PLXDC2: variants seen among roughly 807,000 people sequenced by gnomAD.
The protein encoded by PLXDC2 is plexin domain containing 2, also known as plexin domain-containing protein 2.
Under a neutral mutation model 68.9 loss-of-function variants are expected in PLXDC2, and 40 were observed. The ratio of observed to expected loss-of-function variants is 0.58; its 90% CI spans 0.45 to 0.76. The LOEUF is 0.76. PLXDC2 is among the 30% of genes least tolerant of loss of function. PLXDC2 has a pLI of 0.00. For missense variants in PLXDC2, 644 were observed against 661.9 expected (o/e 0.97, Z 0.30); for synonymous variants, 243 against 234.2 (o/e 1.04, Z -0.34).
intron 1 of PLXDC2, among the ~76,000 whole-genome samples, chr10:19,856,810 C>T (rs534830321): frequency 6.6e-6 from 1 of 152,272 alleles, no homozygotes; most frequent in South Asian, 2.1e-4. Flanking sequence ...TCTTATTTCA[C>T]AAGCGTTCTT....
intron 4 of PLXDC2, among the ~76,000 whole-genome samples, chr10:20,108,403 G>A (rs1041391852): frequency 6.6e-6 from 1 of 152,132 alleles, no homozygotes; most frequent in Non-Finnish European, 1.5e-5. Context: ...AAGTATTACA[G>A]CATTAAAGGG....
intron 1 of PLXDC2, among the ~76,000 whole-genome samples, chr10:19,976,445 C>A (rs1459667073): frequency 6.6e-6 from 1 of 152,146 alleles, no homozygotes; most frequent in Non-Finnish European, 1.5e-5. Context: ...GAACTCCTGA[C>A]CGCGTGATCC....
intron 4 of PLXDC2, among the ~76,000 whole-genome samples, chr10:20,114,426 C>A (rs1833597073): frequency 6.6e-6 from 1 of 152,202 alleles, no homozygotes; most frequent in Non-Finnish European, 1.5e-5. Flanking sequence ...ATGTCAGACG[C>A]TGTGTTGAAA....
At chr10:20,242,404 A>C (rs557552929) in intron 12 of PLXDC2, among the ~76,000 whole-genome samples, 1 of 152,286 alleles carries the variant, frequency 6.6e-6, no homozygotes, top group South Asian at 2.1e-4. Flanking sequence ...TAAGAACTTT[A>C]TATGTATTAA....
chr10:20,104,594 T>G (rs1367342562), intron 4 of PLXDC2, among the ~76,000 whole-genome samples: 1 of 152,218 alleles, frequency 6.6e-6, no homozygotes, highest in Non-Finnish European at 1.5e-5. Flanking sequence ...AGGTATCCAT[T>G]GCTGTTAATG....
chr10:19,882,553 C>T (rs554417458), intron 1 of PLXDC2, among the ~76,000 whole-genome samples: 132 of 152,316 alleles, frequency 8.7e-4, no homozygotes, highest in African/African-American at 2.3e-3. Context: ...CTTTTTCAGC[C>T]TTGCTGCCCT....
intron 1 of PLXDC2, among the ~76,000 whole-genome samples, chr10:19,860,160 T>C (rs1446148321): frequency 1.3e-5 from 2 of 152,162 alleles, no homozygotes; most frequent in Non-Finnish European, 2.9e-5. Context: ...CTCTCTTTTT[T>C]CCCCAAGGGG....
intron 4 of PLXDC2, among the ~76,000 whole-genome samples, chr10:20,073,738 T>G (rs1398841600): frequency 1.3e-5 from 2 of 152,166 alleles, no homozygotes; most frequent in Non-Finnish European, 2.9e-5. Context: ...ATCAAAACAG[T>G]TTCATTAGTG....
chr10:20,016,131 C>G (rs775102583), intron 2 of PLXDC2, among the ~76,000 whole-genome samples: 2 of 152,098 alleles, frequency 1.3e-5, no homozygotes, highest in Non-Finnish European at 2.9e-5. Flanking sequence ...TTCAAAAGAC[C>G]AAGTCTGGGG....
At chr10:20,066,663 G>A (rs11011774) in intron 3 of PLXDC2, among the ~76,000 whole-genome samples, 7,087 of 152,228 alleles carry the variant, frequency 0.047, 191 homozygotes, top group Middle Eastern at 0.095. Flanking sequence ...AACCTTTTAT[G>A]AAGATGAGGC....
chr10:20,239,193 TG>T (rs1835481238), intron 12 of PLXDC2, among the ~76,000 whole-genome samples: 1 of 152,216 alleles, frequency 6.6e-6, no homozygotes, highest in African/African-American at 2.4e-5. Context: ...GTTTAGTTTT[TG>T]TTTGCTTTTG....
chr10:20,093,950 G>A (rs1833314789), intron 4 of PLXDC2, among the ~76,000 whole-genome samples: 1 of 152,188 alleles, frequency 6.6e-6, no homozygotes, highest in South Asian at 2.1e-4. Context: ...TAGGATTACA[G>A]GCATGAGCCA....
intron 1 of PLXDC2, among the ~76,000 whole-genome samples, chr10:19,916,154 A>C (rs1366495422): frequency 7.5e-6 from 1 of 133,506 alleles, no homozygotes; most frequent in Non-Finnish European, 1.6e-5. Context: ...TTTTTAATGG[A>C]GTCTCACTCT....
At chr10:20,116,262 T>C (rs562521614) in intron 4 of PLXDC2, among the ~76,000 whole-genome samples, 31 of 152,080 alleles carry the variant, frequency 2.0e-4, no homozygotes, top group South Asian at 8.3e-4. Context: ...AGATTCTTTT[T>C]CCCCCCCGGA....
At chr10:20,230,003 C>G (rs1261891860) in intron 12 of PLXDC2, among the ~76,000 whole-genome samples, 1 of 151,930 alleles carries the variant, frequency 6.6e-6, no homozygotes, top group Non-Finnish European at 1.5e-5. Context: ...ATTTGTTTAA[C>G]CTGAAAAAGA....
chr10:20,015,589 A>C (rs1835196510), intron 2 of PLXDC2, among the ~76,000 whole-genome samples: 1 of 152,146 alleles, frequency 6.6e-6, no homozygotes, highest in South Asian at 2.1e-4. Context: ...CCAAGACTCC[A>C]TTTGCTCCAC....
chr10:20,021,050 A>G (rs1300499498), intron 2 of PLXDC2, among the ~76,000 whole-genome samples: 3 of 152,248 alleles, frequency 2.0e-5, no homozygotes, highest in Non-Finnish European at 4.4e-5. Flanking sequence ...TTTAAACGTC[A>G]CTAAACAAAA....
chr10:19,898,407 A>G (rs568160058), intron 1 of PLXDC2, among the ~76,000 whole-genome samples: 21 of 152,350 alleles, frequency 1.4e-4, no homozygotes, highest in African/African-American at 4.6e-4. Context: ...ATTTTACACT[A>G]TATAGTGTCT....
intron 2 of PLXDC2, among the ~76,000 whole-genome samples, chr10:20,044,063 A>G (rs1835731768): frequency 8.1e-6 from 1 of 123,294 alleles, no homozygotes; most frequent in Non-Finnish European, 1.8e-5. Flanking sequence ...GGTCACATCT[A>G]GATAGACTTG....
Sources: allele counts gnomAD v4.1 joint callset (sites outside exome capture counted in the v4.1 genomes callset), GRCh38; gene constraint gnomAD v4.1.1; transcripts MANE v1.5; gene names NCBI Gene and HGNC (gene_info 2026-07-23, HGNC 2026-07-21).